The following PTPRN2 variants were observed in gnomAD, a reference collection of about 807,000 sequenced individuals.
The protein encoded by PTPRN2 is protein tyrosine phosphatase receptor type N2.
A neutral mutation model predicts 118.8 loss-of-function variants in PTPRN2; 74 were observed. The observed-to-expected ratio is 0.62, with a 90% CI of 0.52 to 0.76. The LOEUF is 0.76. Ranked by LOEUF, PTPRN2 falls within the 30% of genes least tolerant of loss-of-function variation. The probability of loss-of-function intolerance (pLI) is 0.00; values close to 1 mark genes in which losing one functional copy is unlikely to be tolerated. For synonymous variants in PTPRN2, 641 were observed against 608.0 expected, an observed-to-expected ratio of 1.05 and a Z score of -0.80; for missense variants, 1,481 against 1,394.4, an observed-to-expected ratio of 1.06 and a Z score of -0.99.
intron 2 of PTPRN2, among the ~76,000 whole-genome samples, chr7:158,419,072 G>A (rs1233408310): frequency 6.6e-6 from 1 of 152,214 alleles, no homozygotes; most frequent in African/African-American, 2.4e-5. Context: ...GGTACAACCT[G>A]GTATTGGTTT....
intron 11 of PTPRN2, among the ~76,000 whole-genome samples, chr7:158,000,147 G>A (rs147162754): frequency 0.011 from 1,623 of 152,216 alleles, 14 homozygotes; most frequent in Non-Finnish European, 0.016. Flanking sequence ...TTGGCCTCCC[G>A]AAGTGCTGGG....
At chr7:158,266,008 C>G (rs1797845165) in intron 3 of PTPRN2, among the ~76,000 whole-genome samples, 1 of 136,282 alleles carries the variant, frequency 7.3e-6, no homozygotes, top group Non-Finnish European at 1.6e-5. Context: ...GTCTGGAGGA[C>G]CAGTGGGGAC....
At position 158,167,067 on chromosome 7, in the gene PTPRN2, G is replaced by C. The variant is rs780227668; in HGVS notation, c.774C>G (p.Pro258=). The C allele has an allele frequency of 6.3e-7, 1 of 1,590,660 alleles. No individual in the cohort carries two copies. ...ACTGTGGCTCCAGGCTGCCCTCCCC[G>C]GGGGGAGCTGGGGGCCTCTGGGCAG... The part of the protein sequence containing the change: ...AYAAQRPPAP[P]GEGSLEPQYL... Residue 258 remains proline, a synonymous_variant, in exon 6 of 23, where the codon CCC becomes CCG. Coordinates refer to ENST00000389418, the MANE Select transcript of PTPRN2 (RefSeq NM_002847.5).
intron 5 of PTPRN2, among the ~76,000 whole-genome samples, chr7:158,171,107 T>TATATACACACATATATACAC (rs1823538864): frequency 6.4e-5 from 7 of 108,868 alleles, no homozygotes; most frequent in African/African-American, 3.6e-4. Flanking sequence ...TATATACACA[T>TATATACACACATATATACAC]ATATATACAC....
intron 17 of PTPRN2, among the ~76,000 whole-genome samples, chr7:157,586,133 G>A (rs892488554): frequency 3.3e-5 from 5 of 152,194 alleles, no homozygotes; most frequent in Admixed American, 2.0e-4. Context: ...TGTGGTTAAA[G>A]TACTTATCAA....
intron 11 of PTPRN2, among the ~76,000 whole-genome samples, chr7:158,001,473 T>C (rs1435664391): frequency 6.6e-6 from 1 of 151,954 alleles, no homozygotes; most frequent in Non-Finnish European, 1.5e-5. Context: ...TACAGCTGAT[T>C]CCAAACCTAC....
intron 6 of PTPRN2, among the ~76,000 whole-genome samples, chr7:158,162,813 G>C (rs555794176): frequency 2.0e-5 from 3 of 152,140 alleles, no homozygotes; most frequent in Admixed American, 6.5e-5. Context: ...CGTTCAGCCC[G>C]CAGCCTCGTT....
intron 3 of PTPRN2, among the ~76,000 whole-genome samples, chr7:158,264,315 C>A (rs1404192597): frequency 6.6e-6 from 1 of 152,188 alleles, no homozygotes; most frequent in African/African-American, 2.4e-5. Context: ...ACACTGACAT[C>A]TCAAGTTAGA....
chr7:158,029,578 C>G (rs970426104), intron 11 of PTPRN2: 1 of 152,388 alleles, frequency 6.6e-6, no homozygotes, highest in African/African-American at 2.4e-5. Flanking sequence ...CTGGCCCTGC[C>G]CATCCACACA....
At chr7:158,019,428 G>A (rs1563333474) in intron 11 of PTPRN2, among the ~76,000 whole-genome samples, 1 of 152,260 alleles carries the variant, frequency 6.6e-6, no homozygotes, top group Non-Finnish European at 1.5e-5. Context: ...GTGGCTACAA[G>A]GACGTGAGCT....
Position 157,682,920 on chromosome 7 carries a change from G to C in PTPRN2, c.1806C>G (p.Phe602Leu), listed in dbSNP as rs1260638727. Residue 602 changes from phenylalanine to leucine, a missense_variant, in exon 13 of 23, where the codon TTC becomes TTG. Coordinates refer to ENST00000389418, the MANE Select transcript of PTPRN2 (RefSeq NM_002847.5). The stretch of plus-strand genomic sequence containing the variant: ...CTTCTTGCTCCGCCTGAGGAGGCAG[G>C]AACTTGAGTTTGCTTTTCTGCAGAA... ...TGVGSKSKLKFLPPQAEQEDS... is the reference protein window; with the variant it reads ...TGVGSKSKLKLLPPQAEQEDS... 2 of 1,613,288 alleles carry C rather than the reference G, an allele frequency of 1.2e-6. No homozygotes were observed. Among genetic ancestry groups the C allele is most frequent in the Admixed American group, 3.3e-5 (2 of 60,004 alleles).
intron 1 of PTPRN2, among the ~76,000 whole-genome samples, chr7:158,498,005 C>T (rs1020997225): frequency 6.6e-6 from 1 of 152,252 alleles, no homozygotes; most frequent in Non-Finnish European, 1.5e-5. Context: ...TCAGGCCCCT[C>T]CAATTCACCT....
chr7:157,841,102 G>A (rs139262644), intron 12 of PTPRN2, among the ~76,000 whole-genome samples: 96 of 152,376 alleles, frequency 6.3e-4, no homozygotes, highest in African/African-American at 2.2e-3. Context: ...GGGCAGAGGC[G>A]GTCGCAGAGC....
chr7:157,909,088 AATTT>A (rs1296195295), intron 11 of PTPRN2, among the ~76,000 whole-genome samples: 1 of 152,200 alleles, frequency 6.6e-6, no homozygotes, highest in Admixed American at 6.5e-5. Flanking sequence ...GTATGTCATT[AATTT>A]ATTACTCAGC....
chr7:158,098,982 TCCC>T, intron 10 of PTPRN2, among the ~76,000 whole-genome samples: 1 of 34,630 alleles, frequency 2.9e-5, no homozygotes. Context: ...GGGTTCCGCA[TCCC>T]GGCTGCCTCC....
intron 11 of PTPRN2, among the ~76,000 whole-genome samples, chr7:157,932,890 C>A (rs1166394104): frequency 1.3e-5 from 2 of 149,438 alleles, no homozygotes; most frequent in Non-Finnish European, 3.0e-5. Flanking sequence ...GTGAATCACT[C>A]CGATTGACAG....
intron 3 of PTPRN2, among the ~76,000 whole-genome samples, chr7:158,213,027 A>G (rs1475249844): frequency 6.6e-6 from 1 of 152,224 alleles, no homozygotes; most frequent in East Asian, 1.9e-4. Flanking sequence ...ACTCTCAAGA[A>G]TAATTATTAT....
At chr7:157,547,035 C>T (rs1472508524) in intron 22 of PTPRN2, among the ~76,000 whole-genome samples, 1 of 152,178 alleles carries the variant, frequency 6.6e-6, no homozygotes, top group African/African-American at 2.4e-5. Flanking sequence ...AGGGAAGAGG[C>T]TGCCTGACAG....
At chr7:158,146,540 T>A (rs573749516) in intron 6 of PTPRN2, among the ~76,000 whole-genome samples, 24 of 151,828 alleles carry the variant, frequency 1.6e-4, no homozygotes, top group Non-Finnish European at 2.8e-4. Context: ...ACTAACATGG[T>A]GAAACCCCAT....
Sources: gnomAD v4.1 joint callset for allele counts (sites outside exome capture counted in the v4.1 genomes callset) on GRCh38, gnomAD v4.1.1 for gene constraint, MANE v1.5 for transcripts, NCBI Gene and HGNC (gene_info 2026-07-23, HGNC 2026-07-21) for gene names.